Variants in SLC35F3 observed in about 807,000 individuals in gnomAD.
SLC35F3 encodes solute carrier family 35 member F3.
Under a neutral mutation model 49.9 loss-of-function variants are expected in SLC35F3, and 25 were observed. That is an observed-to-expected ratio of 0.50 (90% CI 0.37 to 0.70). SLC35F3 has a LOEUF of 0.70. Ranked by LOEUF, SLC35F3 falls within the 30% of genes least tolerant of loss-of-function variation. The probability of loss-of-function intolerance (pLI) is 0.00; values close to 1 mark genes in which losing one functional copy is unlikely to be tolerated. For synonymous variants in SLC35F3, 275 were observed against 265.4 expected, an observed-to-expected ratio of 1.04 and a Z score of -0.35; for missense variants, 525 against 639.8, an observed-to-expected ratio of 0.82 and a Z score of 1.94.
In SLC35F3 at chr1:234,316,538, G is replaced by A. The variant is rs75850952; in HGVS notation, c.829-64G>A. 1,645 of 1,541,698 alleles carry A rather than the reference G, an allele frequency of 1.1e-3. 21 individuals are homozygous for A. In the African/African-American group the frequency reaches 0.019, roughly 18 times the overall value. On this transcript the variant is annotated intron_variant, in intron 4 of 7. Transcript: ENST00000366618. ...CCACGCACATTTCCAGCTCTTTGGC[G>A]CTTGCATACTCCCTCTGACTCCGTC...
intron 2 of SLC35F3, among the ~76,000 whole-genome samples, chr1:234,064,310 A>G (rs1266651054): frequency 6.6e-6 from 1 of 152,210 alleles, no homozygotes; most frequent in African/African-American, 2.4e-5. Flanking sequence ...TGATCTCCAA[A>G]TGTTAGAATA....
At chr1:234,116,193 T>C (rs1665483922) in intron 2 of SLC35F3, among the ~76,000 whole-genome samples, 1 of 152,196 alleles carries the variant, frequency 6.6e-6, no homozygotes, top group Non-Finnish European at 1.5e-5. Context: ...GGCCTCGGTC[T>C]GTAGCTATCT....
intron 2 of SLC35F3, among the ~76,000 whole-genome samples, chr1:234,129,659 G>C (rs1020429974): frequency 2.0e-5 from 3 of 152,132 alleles, no homozygotes; most frequent in African/African-American, 7.2e-5. Context: ...TACATTACCA[G>C]ATTCCAAAAA....
intron 2 of SLC35F3, among the ~76,000 whole-genome samples, chr1:234,171,795 T>C (rs1381806264): frequency 6.6e-6 from 1 of 152,184 alleles, no homozygotes; most frequent in Non-Finnish European, 1.5e-5. Flanking sequence ...TAATATATAG[T>C]TGCAAAGAGC....
intron 3 of SLC35F3, among the ~76,000 whole-genome samples, chr1:234,263,327 T>C (rs1009189255): frequency 3.3e-5 from 5 of 152,170 alleles, no homozygotes; most frequent in African/African-American, 9.7e-5. Context: ...TAAAAGAATG[T>C]TAAAGGAGTA....
chr1:234,269,266 C>T (rs962043667), intron 3 of SLC35F3, among the ~76,000 whole-genome samples: 1 of 152,114 alleles, frequency 6.6e-6, no homozygotes, highest in Non-Finnish European at 1.5e-5. Context: ...AGGGGCCTCA[C>T]CCTTCCCACA....
chr1:234,287,200 TAAATAA>T (rs1226983874), intron 3 of SLC35F3, among the ~76,000 whole-genome samples: 1 of 151,368 alleles, frequency 6.6e-6, no homozygotes, highest in South Asian at 2.1e-4. Context: ...CCCTAAAAAA[TAAATAA>T]AAATAAAAAT....
At position 234,011,504 on chromosome 1, in the gene SLC35F3, G is replaced by A. The variant is rs140914700; in HGVS notation, c.283+105746G>A. 6.4e-3 allele frequency among the ~76,000 whole-genome samples: 971 copies of A among 152,236 alleles called. 13 individuals are homozygous for A. Among genetic ancestry groups the A allele is most frequent in the African/African-American group, 0.022 (896 of 41,536 alleles). On this transcript the variant is annotated intron_variant, in intron 2 of 7. Coordinates refer to ENST00000366618, the MANE Select transcript of SLC35F3 (RefSeq NM_173508.4). ...CCTATCCCAGCAGCCCAGGGCACAAGGTGGGAACCAACTGTGAACAGAACT... is the reference window on the plus strand; with the variant it reads ...CCTATCCCAGCAGCCCAGGGCACAAAGTGGGAACCAACTGTGAACAGAACT...
chr1:234,052,524 C>G (rs996513083), intron 2 of SLC35F3, among the ~76,000 whole-genome samples: 3 of 152,052 alleles, frequency 2.0e-5, no homozygotes, highest in Admixed American at 6.6e-5. Flanking sequence ...TGATTCTTCT[C>G]TCTTTTCTTC....
intron 3 of SLC35F3, among the ~76,000 whole-genome samples, chr1:234,249,620 C>G (rs1667704614): frequency 6.6e-6 from 1 of 152,178 alleles, no homozygotes; most frequent in Non-Finnish European, 1.5e-5. Context: ...CACCCCTGGC[C>G]AGGGCCCTGC....
intron 2 of SLC35F3, among the ~76,000 whole-genome samples, chr1:234,226,591 A>G (rs1388758796): frequency 1.3e-5 from 2 of 149,846 alleles, no homozygotes; most frequent in Admixed American, 6.6e-5. Context: ...TCATTTTCTC[A>G]GGCCTAAGCA....
At chr1:234,082,073 A>G (rs1303182704) in intron 2 of SLC35F3, among the ~76,000 whole-genome samples, 1 of 151,626 alleles carries the variant, frequency 6.6e-6, no homozygotes, top group Non-Finnish European at 1.5e-5. Context: ...CATCTTTTCT[A>G]GCAATGCTTT....
intron 2 of SLC35F3, among the ~76,000 whole-genome samples, chr1:234,204,194 C>T (rs1399723145): frequency 6.6e-6 from 1 of 151,912 alleles, no homozygotes; most frequent in African/African-American, 2.4e-5. Flanking sequence ...TCTATATTCA[C>T]ATCAGTTTAT....
intron 2 of SLC35F3, among the ~76,000 whole-genome samples, chr1:233,959,824 G>A (rs905098491): frequency 2.6e-5 from 4 of 152,148 alleles, no homozygotes; most frequent in African/African-American, 9.7e-5. Flanking sequence ...CCACTTTGGA[G>A]TCTCAAAAAT....
intron 3 of SLC35F3, among the ~76,000 whole-genome samples, chr1:234,291,574 C>G (rs180889477): frequency 5.6e-4 from 85 of 152,270 alleles, no homozygotes; most frequent in Non-Finnish European, 1.0e-3. Flanking sequence ...GTGGCTGAAA[C>G]TACAGGCACG....
intron 7 of SLC35F3, 69 bp from the exon 8 acceptor site, chr1:234,322,939 C>G: frequency 7.4e-7 from 1 of 1,352,972 alleles, no homozygotes; most frequent in Non-Finnish European, 1.1e-6. Flanking sequence ...GCCCCCAGGC[C>G]CTGCCCACTC....
intron 2 of SLC35F3, among the ~76,000 whole-genome samples, chr1:234,065,256 C>T (rs1282021244): frequency 6.6e-6 from 1 of 152,118 alleles, no homozygotes; most frequent in Non-Finnish European, 1.5e-5. Flanking sequence ...AAGGGATTCT[C>T]CTGCCTCAGC....
At chr1:234,134,261 A>G (rs1665776938) in intron 2 of SLC35F3, among the ~76,000 whole-genome samples, 1 of 149,258 alleles carries the variant, frequency 6.7e-6, no homozygotes, top group Admixed American at 6.7e-5. Context: ...AATTGTATAT[A>G]TATAATTAAT....
chr1:234,236,072 G>A (rs988581467), intron 3 of SLC35F3, among the ~76,000 whole-genome samples: 1 of 152,134 alleles, frequency 6.6e-6, no homozygotes, highest in Admixed American at 6.5e-5. Flanking sequence ...ATGCAAGGGA[G>A]CTGAGAGTGG....
Sources: allele counts gnomAD v4.1 joint callset (sites outside exome capture counted in the v4.1 genomes callset), GRCh38; gene constraint gnomAD v4.1.1; transcripts MANE v1.5; gene names NCBI Gene and HGNC (gene_info 2026-07-23, HGNC 2026-07-21).